The following CHN2 variants were observed in gnomAD, a reference collection of about 807,000 sequenced individuals.
CHN2 encodes the protein beta-chimaerin.
In CHN2, 35 loss-of-function variants were observed where a neutral mutation model predicts 56.3. That is an observed-to-expected ratio of 0.62 (90% confidence interval 0.47 to 0.82). The LOEUF (loss-of-function observed/expected upper bound fraction) is 0.82, where lower values mean the gene tolerates loss of function less well. Among genes scored for constraint, CHN2 ranks in the 40% least tolerant of loss-of-function variants. CHN2 has a pLI of 0.00. For missense variants in CHN2, 491 were observed against 580.5 expected (o/e 0.85, Z 1.58); for synonymous variants, 210 against 212.8 (o/e 0.99, Z 0.12).
At chr7:29,306,735 T>C (rs534466475) in intron 1 of CHN2, among the ~76,000 whole-genome samples, 1 of 152,226 alleles carries the variant, frequency 6.6e-6, no homozygotes, top group African/African-American at 2.4e-5. Context: ...GTAATCAGTA[T>C]GTAAGAATTG....
rs569915527 is a variant in CHN2 at position 29,189,656 on chromosome 7, A to G, written c.274+42696A>G. Among the ~76,000 whole-genome samples, 9 of 152,238 alleles carry G rather than the reference A, an allele frequency of 5.9e-5. No homozygotes were observed. In the East Asian group the frequency reaches 1.7e-3, roughly 29 times the overall value. On this transcript the variant is annotated intron_variant, in intron 2 of 6. Transcript: ENST00000439384. ...TGCTATCCTGTTTTTCTCTTCAAAC[A>G]GAAAGAAAAACTCTCTCTCTCTCGG... is the stretch of plus-strand genomic sequence containing the variant.
At chr7:29,456,279 G>A (rs959879261) in intron 6 of CHN2, among the ~76,000 whole-genome samples, 2 of 152,200 alleles carry the variant, frequency 1.3e-5, no homozygotes, top group Non-Finnish European at 2.9e-5. Context: ...CTGTTTCACA[G>A]AGGGTTTTGT....
intron 1 of CHN2, among the ~76,000 whole-genome samples, chr7:29,322,404 A>T (rs1795426851): frequency 6.6e-6 from 1 of 152,212 alleles, no homozygotes; most frequent in African/African-American, 2.4e-5. Context: ...CCCTGTGATG[A>T]TGGAACAGCC....
chr7:29,357,488 C>G (rs1231451148), intron 2 of CHN2, among the ~76,000 whole-genome samples: 1 of 152,150 alleles, frequency 6.6e-6, no homozygotes, highest in East Asian at 1.9e-4. Context: ...GAATATCATC[C>G]ATTTGTTTAA....
intron 2 of CHN2, among the ~76,000 whole-genome samples, chr7:29,187,535 C>G (rs1798865310): frequency 6.6e-6 from 1 of 152,018 alleles, no homozygotes; most frequent in Admixed American, 6.5e-5. Flanking sequence ...ACCAGCCTAG[C>G]CAACATGGAG....
At chr7:29,203,298 C>G (rs1262078128) in intron 1 of CHN2, among the ~76,000 whole-genome samples, 5 of 151,744 alleles carry the variant, frequency 3.3e-5, no homozygotes, top group Non-Finnish European at 7.4e-5. Context: ...GAAACCTGGT[C>G]TCTACTAAAA....
At chr7:29,407,289 C>CT (rs1355766169) in intron 6 of CHN2, among the ~76,000 whole-genome samples, 3 of 151,606 alleles carry the variant, frequency 2.0e-5, no homozygotes, top group Non-Finnish European at 4.4e-5. Flanking sequence ...TTGTTGAGGC[C>CT]TTTTTTTTGG....
intron 1 of CHN2, among the ~76,000 whole-genome samples, chr7:29,330,233 A>T (rs1796118120): frequency 6.6e-6 from 1 of 152,196 alleles, no homozygotes; most frequent in Non-Finnish European, 1.5e-5. Context: ...TCTCTTTTGT[A>T]AAATAACAGT....
chr7:29,183,043 A>G (rs937562132), intron 2 of CHN2, among the ~76,000 whole-genome samples: 2 of 151,384 alleles, frequency 1.3e-5, no homozygotes, highest in Non-Finnish European at 2.9e-5. Context: ...TTCCCATTAT[A>G]TGAGACAGGT....
chr7:29,355,770 C>CTTT (rs1455779748), intron 2 of CHN2, among the ~76,000 whole-genome samples: 2 of 108,486 alleles, frequency 1.8e-5, no homozygotes, highest in Non-Finnish European at 1.9e-5. Context: ...ACAGATGGGA[C>CTTT]TATTTTTTTT....
intron 7 of CHN2, among the ~76,000 whole-genome samples, chr7:29,483,116 C>T (rs1787521165): frequency 6.6e-6 from 1 of 152,118 alleles, no homozygotes; most frequent in South Asian, 2.1e-4. Flanking sequence ...CCACCGCGCC[C>T]GGCCTGCACT....
At position 29,261,584 on chromosome 7, in the gene CHN2, T is replaced by G. The variant is rs139416034; in HGVS notation, c.49+66594T>G. On this transcript the variant is annotated intron_variant, in intron 1 of 12. Coordinates refer to ENST00000222792, the MANE Select transcript of CHN2 (RefSeq NM_004067.4). Reference sequence around the variant, plus strand: ...CTCTTGAAAACATTATCCCTCAGAATTTAGGACTTTGCCTTATACTGGAAT... The same window carrying G: ...CTCTTGAAAACATTATCCCTCAGAAGTTAGGACTTTGCCTTATACTGGAAT... Among the ~76,000 whole-genome samples, 1,117 of 152,328 alleles carry G rather than the reference T, an allele frequency of 7.3e-3. 12 individuals are homozygous for G. Among genetic ancestry groups the G allele is most frequent in the African/African-American group, 0.026 (1,065 of 41,576 alleles).
At position 29,202,864 on chromosome 7, in the gene CHN2, A is replaced by G. The variant is rs116752973; in HGVS notation, c.49+7874A>G. Among the ~76,000 whole-genome samples the G allele has an allele frequency of 2.6e-3, 394 of 152,314 alleles. 2 individuals are homozygous for G. Among genetic ancestry groups the G allele is most frequent in the African/African-American group, 9.0e-3 (376 of 41,582 alleles). Reference sequence around the variant, plus strand: ...GTTGCTTCCATGAAATAAGCCCAAGAGACTGTTGGGACAGCAAAGAAATGG... The same window carrying G: ...GTTGCTTCCATGAAATAAGCCCAAGGGACTGTTGGGACAGCAAAGAAATGG... On this transcript the variant is annotated intron_variant, in intron 1 of 12. Coordinates refer to ENST00000222792, the MANE Select transcript of CHN2 (RefSeq NM_004067.4).
intron 2 of CHN2, chr7:29,147,098 A>C (rs1365336626): frequency 8.2e-7 from 1 of 1,213,086 alleles, no homozygotes; most frequent in Non-Finnish European, 1.1e-6. Context: ...GAGGTTAAGT[A>C]ACCCATCCAG....
chr7:29,258,170 CTA>C (rs1789232568), intron 1 of CHN2, among the ~76,000 whole-genome samples: 1 of 152,116 alleles, frequency 6.6e-6, no homozygotes, highest in South Asian at 2.1e-4. Context: ...GGACAACCAA[CTA>C]TGTAATTGTC....
chr7:29,371,190 G>A (rs1799582583), intron 3 of CHN2, among the ~76,000 whole-genome samples: 1 of 152,188 alleles, frequency 6.6e-6, no homozygotes, highest in African/African-American at 2.4e-5. Flanking sequence ...AGTGATGACA[G>A]TATTCTCTGA....
chr7:29,427,725 T>A (rs1805021834), intron 6 of CHN2, among the ~76,000 whole-genome samples: 1 of 151,002 alleles, frequency 6.6e-6, no homozygotes, highest in Admixed American at 6.6e-5. Context: ...GGCGCGATCT[T>A]GTCTCACTGA....
At position 29,512,547 on chromosome 7, in the gene CHN2, A is replaced by ATATG. The variant is rs1554311886; in HGVS notation, c.1236-15_1236-12dup. The ATATG allele has an allele frequency of 6.2e-7, 1 of 1,604,992 alleles. No homozygotes were observed. The highest frequency in any genetic ancestry group is 1.3e-5 in the African/African-American group (1 of 74,418). On this transcript the variant is annotated splice_polypyrimidine_tract_variant and intron_variant, in intron 12 of 12. Coordinates refer to ENST00000222792, the MANE Select transcript of CHN2 (RefSeq NM_004067.4). Reference sequence around the variant, plus strand: ...CAAGTCTCCATAATGTCTCTGTTCTATATGTTTGTTTTGCAGGGTTACTAT... The same window carrying ATATG: ...CAAGTCTCCATAATGTCTCTGTTCTATATGTATGTTTGTTTTGCAGGGTTACTAT...
intron 1 of CHN2, among the ~76,000 whole-genome samples, chr7:29,287,887 A>G (rs1167257263): frequency 6.6e-6 from 1 of 152,130 alleles, no homozygotes; most frequent in African/African-American, 2.4e-5. Context: ...TCTTCTTCCT[A>G]TCTTCTTGCT....
Sources: gnomAD v4.1 joint callset for allele counts (sites outside exome capture counted in the v4.1 genomes callset) on GRCh38, gnomAD v4.1.1 for gene constraint, MANE v1.5 for transcripts, NCBI Gene and HGNC (gene_info 2026-07-23, HGNC 2026-07-21) for gene names.